The following FBP1 variants were observed in gnomAD, a reference collection of about 807,000 sequenced individuals.
The protein encoded by FBP1 is fructose-bisphosphatase 1.
A neutral mutation model predicts 29.9 loss-of-function variants in FBP1; 22 were observed. The ratio of observed to expected loss-of-function variants is 0.74; its 90% confidence interval spans 0.53 to 1.05. The LOEUF is 1.05. Among genes scored for constraint, FBP1 ranks in the 50% least tolerant of loss-of-function variants. The pLI, the probability that FBP1 is intolerant of heterozygous loss-of-function variation, is 0.00. For synonymous variants in FBP1, 175 were observed against 178.6 expected (o/e 0.98, Z 0.16); for missense variants, 345 against 448.2 (o/e 0.77, Z 2.08).
At chr9:94,618,732 G>A (rs1263466123) in intron 2 of FBP1, among the ~76,000 whole-genome samples, 3 of 152,142 alleles carry the variant, frequency 2.0e-5, no homozygotes, top group Non-Finnish European at 2.9e-5. Context: ...CCTGTTTTGA[G>A]TGGGATTTTC....
chr9:94,632,426 T>C (rs926264677), intron 1 of FBP1, among the ~76,000 whole-genome samples: 2 of 152,044 alleles, frequency 1.3e-5, no homozygotes, highest in Non-Finnish European at 2.9e-5. Flanking sequence ...GCCCAGCACT[T>C]TGGGAGGCTG....
rs28369709 is a variant in FBP1 at position 94,618,436 on chromosome 9, C to T, written c.334-576G>A. 2.4e-3 allele frequency among the ~76,000 whole-genome samples: 276 copies of T among 116,008 alleles called. 1 individual carries two copies. The highest frequency in any genetic ancestry group is 4.6e-3 in the Admixed American group (35 of 7,642). 76.1% of individuals were successfully genotyped at this position (116,008 alleles called of 152,430 possible). A position where few individuals can be genotyped will look rare whatever the true frequency, so the allele number is the denominator to read the frequency against. ...AGGAGTTTGAGACCAGCCTGGGCAGCATAGAGAGACTCCTTCTGTAAAAAA... is the reference window on the plus strand; with the variant it reads ...AGGAGTTTGAGACCAGCCTGGGCAGTATAGAGAGACTCCTTCTGTAAAAAA... On this transcript the variant is annotated intron_variant, in intron 2 of 6. Coordinates refer to ENST00000375326, the MANE Select transcript of FBP1 (RefSeq NM_000507.4).
Position 94,606,949 on chromosome 9 carries a change from T to C in FBP1, c.571A>G (p.Ile191Val). ...GVNCFMLDPAIGEFILVDKDV... is the reference protein window; with the variant it reads ...GVNCFMLDPAVGEFILVDKDV... ...TTGTCCACCAAAATGAACTCCCCGATGGCCTTTTTAGACAAGGAAGGAAAG... is the reference window on the plus strand; with the variant it reads ...TTGTCCACCAAAATGAACTCCCCGACGGCCTTTTTAGACAAGGAAGGAAAG... The change falls in exon 5 of 7, where the codon ATC becomes GTC. Residue 191 changes from isoleucine (I) to valine (V), a missense_variant. Transcript: ENST00000375326. 3 of 1,614,120 alleles carry C rather than the reference T, an allele frequency of 1.9e-6. No individual in the cohort carries two copies. Among genetic ancestry groups the C allele is most frequent in the Non-Finnish European group, 2.5e-6 (3 of 1,179,976 alleles).
intron 1 of FBP1, among the ~76,000 whole-genome samples, chr9:94,631,236 G>A: frequency 6.6e-6 from 1 of 152,102 alleles, no homozygotes; most frequent in South Asian, 2.1e-4. Flanking sequence ...AGCTCTTCCT[G>A]GAGTTTGGGG....
rs1389314270 is a variant in FBP1 at position 94,621,475 on chromosome 9, G to C, written c.171-984C>G. Among the ~76,000 whole-genome samples, 6 of 152,174 alleles carry C rather than the reference G, an allele frequency of 3.9e-5. No individual in the cohort carries two copies. The East Asian group carries it at 9.7e-4, about 25-fold the overall frequency. On this transcript the variant is annotated intron_variant, in intron 1 of 6. Transcript: ENST00000375326. Reference sequence around the variant, plus strand: ...GGCAGGAAGGTCTGGACAGACCCTAGAGAGGAGGAGATACTATCATCTGCC... The same window carrying C: ...GGCAGGAAGGTCTGGACAGACCCTACAGAGGAGGAGATACTATCATCTGCC...
chr9:94,616,913 CT>C (rs1333443145), intron 3 of FBP1, among the ~76,000 whole-genome samples: 1 of 133,238 alleles, frequency 7.5e-6, no homozygotes. Flanking sequence ...CCTCTCCTCT[CT>C]CTCCTCTCTC....
At position 94,612,549 on chromosome 9, in the gene FBP1, A is replaced by ACT. The variant is rs1284753726; in HGVS notation, c.427-2489_427-2488insAG. On this transcript the variant is annotated intron_variant, in intron 3 of 6. Coordinates refer to ENST00000375326, the MANE Select transcript of FBP1 (RefSeq NM_000507.4). ...GAATTCTTTTCTAGCCCAGCCCCCA[A>ACT]TTTTTTTTTTTTTTTTTTTTTTTTT... 2.7e-3 allele frequency among the ~76,000 whole-genome samples: 295 copies of ACT among 108,016 alleles called. 10 individuals carry two copies. The highest frequency in any genetic ancestry group is 9.7e-3 in the African/African-American group (281 of 29,028). 70.9% of individuals were successfully genotyped at this position (108,016 alleles called of 152,430 possible). A position where few individuals can be genotyped will look rare whatever the true frequency, so the allele number is the denominator to read the frequency against.
At chr9:94,639,056 G>A in intron 1 of FBP1, 85 bp downstream of exon 1, 3 of 1,337,008 alleles carry the variant, frequency 2.2e-6, no homozygotes, top group African/African-American at 1.4e-5. Context: ...ACGGCAGGAG[G>A]CTCAGAGGGC....
chr9:94,636,650 G>T (rs1482167051), intron 1 of FBP1, among the ~76,000 whole-genome samples: 1 of 151,886 alleles, frequency 6.6e-6, no homozygotes, highest in South Asian at 2.1e-4. Flanking sequence ...GGTGTGAAAG[G>T]TACTGACACA....
chr9:94,605,585 T>G lies in FBP1; in HGVS notation c.706-9A>C, dbSNP rs751541550. ...TAAGGAGCTGAATTATCCTGCAAGT[T>G]AAGACCAGCAAGAATTAGGATTGCA... On this transcript the variant is annotated splice_polypyrimidine_tract_variant and intron_variant, in intron 5 of 6. Coordinates refer to ENST00000375326, the MANE Select transcript of FBP1 (RefSeq NM_000507.4). 1.2e-6 allele frequency: 2 copies of G among 1,613,520 alleles called. No homozygotes were observed. The highest frequency in any genetic ancestry group is 1.7e-5 in the Admixed American group (1 of 59,938).
intron 1 of FBP1, among the ~76,000 whole-genome samples, chr9:94,624,216 T>A (rs1016663323): frequency 2.3e-4 from 35 of 151,312 alleles, no homozygotes; most frequent in African/African-American, 8.0e-4. Context: ...CGGGCACCTG[T>A]AGTCCCAGCT....
At chr9:94,614,100 AAAAAGGAAGAAGGAAG>A (rs1225969179) in intron 3 of FBP1, among the ~76,000 whole-genome samples, 3 of 147,742 alleles carry the variant, frequency 2.0e-5, no homozygotes, top group Admixed American at 6.8e-5. Flanking sequence ...AAAAAGAAAG[AAAAAGGAAGAAGGAAG>A]AAAAGGAAGA....
At chr9:94,619,526 T>G (rs1410855051) in intron 2 of FBP1, among the ~76,000 whole-genome samples, 1 of 152,098 alleles carries the variant, frequency 6.6e-6, no homozygotes, top group Non-Finnish European at 1.5e-5. Context: ...GTGCCAGGCA[T>G]TGCACTAGAC....
At chr9:94,637,674 A>T (rs1828212364) in intron 1 of FBP1, among the ~76,000 whole-genome samples, 1 of 152,110 alleles carries the variant, frequency 6.6e-6, no homozygotes, top group South Asian at 2.1e-4. Flanking sequence ...GACAGGCTAG[A>T]GCCTACGCGC....
intron 3 of FBP1, 25 bp from the exon 4 acceptor site, chr9:94,610,086 AT>A: frequency 6.2e-7 from 1 of 1,611,914 alleles, no homozygotes; most frequent in Non-Finnish European, 8.5e-7. Context: ...AAATCAAAGA[AT>A]GTTTTTGTTT....
At chr9:94,626,011 T>C (rs1218449768) in intron 1 of FBP1, among the ~76,000 whole-genome samples, 2 of 152,218 alleles carry the variant, frequency 1.3e-5, no homozygotes, top group African/African-American at 4.8e-5. Flanking sequence ...GGGCTCCACC[T>C]GCTTCGCGTT....
In FBP1 at chr9:94,609,922, G is replaced by A; in HGVS notation, c.566C>T (p.Pro189Leu). The change falls in exon 4 of 7, where the codon CCG becomes CTG. Residue 189 changes from proline to leucine, a missense_variant and splice_region_variant. Coordinates refer to ENST00000375326, the MANE Select transcript of FBP1 (RefSeq NM_000507.4). ...CCAGCCTCCTGTGAGGTCTCTCACC[G>A]GGTCCAGCATGAAGCAGTTGACCCC... ...DCGVNCFMLD[P>L]AIGEFILVDK... 1.9e-6 allele frequency: 3 copies of A among 1,613,990 alleles called. No homozygotes were observed. Among genetic ancestry groups the A allele is most frequent in the South Asian group, 1.1e-5 (1 of 91,076 alleles).
chr9:94,618,211 T>C (rs1827891828), intron 2 of FBP1, among the ~76,000 whole-genome samples: 1 of 152,104 alleles, frequency 6.6e-6, no homozygotes, highest in Admixed American at 6.6e-5. Context: ...TTCCTTTATT[T>C]GTAAGGAAAA....
At chr9:94,636,566 A>G (rs1828193356) in intron 1 of FBP1, among the ~76,000 whole-genome samples, 2 of 152,222 alleles carry the variant, frequency 1.3e-5, no homozygotes, top group Non-Finnish European at 2.9e-5. Flanking sequence ...TCACTATCCA[A>G]GGTCCCACTG....
Sources: gnomAD v4.1 joint callset for allele counts (sites outside exome capture counted in the v4.1 genomes callset) on GRCh38, gnomAD v4.1.1 for gene constraint, MANE v1.5 for transcripts, NCBI Gene and HGNC (gene_info 2026-07-23, HGNC 2026-07-21) for gene names.